CNTN4: variants seen among roughly 807,000 people sequenced by gnomAD.
CNTN4 encodes the protein contactin 4.
CNTN4 carries 77 observed loss-of-function variants against 122.5 expected under a neutral mutation model. The ratio of observed to expected loss-of-function variants is 0.63; its 90% CI spans 0.52 to 0.76. CNTN4 has a LOEUF of 0.76. Ranked by LOEUF, CNTN4 falls within the 30% of genes least tolerant of loss-of-function variation. The pLI, the probability that CNTN4 is intolerant of heterozygous loss-of-function variation, is 0.00. For synonymous variants in CNTN4, 512 were observed against 447.0 expected, an observed-to-expected ratio of 1.15 and a Z score of -1.83; for missense variants, 1,256 against 1,259.1, an observed-to-expected ratio of 1.00 and a Z score of 0.04.
chr3:2,479,789 A>G (rs2075937697), intron 3 of CNTN4, among the ~76,000 whole-genome samples: 1 of 152,194 alleles, frequency 6.6e-6, no homozygotes, highest in South Asian at 2.1e-4. Context: ...TTCTCACACT[A>G]CCAAAATTAG....
At chr3:2,908,350 T>C (rs1324235676) in intron 12 of CNTN4, among the ~76,000 whole-genome samples, 2 of 152,222 alleles carry the variant, frequency 1.3e-5, no homozygotes, top group Non-Finnish European at 2.9e-5. Flanking sequence ...CTGATTAAAT[T>C]GCCAAACTTG....
intron 2 of CNTN4, among the ~76,000 whole-genome samples, chr3:2,239,400 A>G (rs1472154296): frequency 6.6e-6 from 1 of 152,150 alleles, no homozygotes. Flanking sequence ...GCACAGACAC[A>G]CATACCCTCA....
intron 4 of CNTN4, among the ~76,000 whole-genome samples, chr3:2,596,243 G>T (rs1391088427): frequency 6.6e-6 from 1 of 152,014 alleles, no homozygotes; most frequent in Non-Finnish European, 1.5e-5. Context: ...AACAGGTGAG[G>T]GAAGCATATT....
At chr3:2,657,179 T>C (rs1323339964) in intron 4 of CNTN4, among the ~76,000 whole-genome samples, 1 of 152,148 alleles carries the variant, frequency 6.6e-6, no homozygotes, top group Non-Finnish European at 1.5e-5. Context: ...GTAGAAAGTG[T>C]CTTTGTAAAC....
chr3:2,984,542 CAG>C (rs1458742456), intron 13 of CNTN4, among the ~76,000 whole-genome samples: 4 of 152,180 alleles, frequency 2.6e-5, no homozygotes, highest in Non-Finnish European at 5.9e-5. Context: ...AACTCTGTCT[CAG>C]AGCTTGCATA....
At chr3:2,206,664 G>A (rs2038359826) in intron 2 of CNTN4, among the ~76,000 whole-genome samples, 1 of 152,116 alleles carries the variant, frequency 6.6e-6, no homozygotes, top group African/African-American at 2.4e-5. Context: ...ACTGACTCGA[G>A]TAATGAAATA....
intron 2 of CNTN4, among the ~76,000 whole-genome samples, chr3:2,148,099 G>A (rs911558079): frequency 6.6e-6 from 1 of 152,066 alleles, no homozygotes; most frequent in South Asian, 2.1e-4. Flanking sequence ...GCTCCCATAT[G>A]GTTGATTGGT....
chr3:2,983,309 T>C (rs1239790431), intron 13 of CNTN4, among the ~76,000 whole-genome samples: 1 of 143,076 alleles, frequency 7.0e-6, no homozygotes, highest in African/African-American at 2.6e-5. Flanking sequence ...AATAAATGGG[T>C]TCAATATATC....
In CNTN4 at chr3:3,007,395, A is replaced by T. The variant is rs561503895; in HGVS notation, c.1487-18707A>T. 7.9e-5 allele frequency among the ~76,000 whole-genome samples: 12 copies of T among 152,332 alleles called. No homozygotes were observed. In the East Asian group the frequency reaches 2.3e-3, roughly 29 times the overall value. On this transcript the variant is annotated intron_variant, in intron 14 of 24. Coordinates refer to ENST00000418658, the MANE Select transcript of CNTN4 (RefSeq NM_175607.3). ...TAACCCTCCCTGTAAGATTACCATC[A>T]TTTCTATAATGCCAGTGGATTATTC... is the stretch of plus-strand genomic sequence containing the variant.
At chr3:3,014,879 G>GTTTTTTTTTTT (rs5846238) in intron 14 of CNTN4, among the ~76,000 whole-genome samples, 1 of 121,544 alleles carries the variant, frequency 8.2e-6, no homozygotes, top group Non-Finnish European at 1.7e-5. Flanking sequence ...CCCTCGATTG[G>GTTTTTTTTTTT]TTTTTTTTTT....
chr3:2,603,662 G>A (rs774146144), intron 4 of CNTN4, among the ~76,000 whole-genome samples: 2 of 152,178 alleles, frequency 1.3e-5, no homozygotes, highest in African/African-American at 2.4e-5. Flanking sequence ...AAAACAAAGT[G>A]AAGTGCATAT....
chr3:2,581,068 C>G (rs888873412), intron 4 of CNTN4, among the ~76,000 whole-genome samples: 5 of 152,160 alleles, frequency 3.3e-5, no homozygotes, highest in African/African-American at 9.7e-5. Flanking sequence ...CATGAACCAG[C>G]AGCATCATTG....
At chr3:2,335,993 GAC>G (rs2043939084) in intron 2 of CNTN4, among the ~76,000 whole-genome samples, 1 of 152,172 alleles carries the variant, frequency 6.6e-6, no homozygotes, top group African/African-American at 2.4e-5. Flanking sequence ...TGAAGAATAA[GAC>G]AACACAGGTA....
chr3:2,172,032 C>G (rs146835918), intron 2 of CNTN4, among the ~76,000 whole-genome samples: 8 of 152,208 alleles, frequency 5.3e-5, no homozygotes, highest in Non-Finnish European at 7.4e-5. Flanking sequence ...CTGATGGATC[C>G]GAATGTTTGA....
At chr3:2,504,073 A>T (rs1484487847) in intron 3 of CNTN4, among the ~76,000 whole-genome samples, 1 of 151,946 alleles carries the variant, frequency 6.6e-6, no homozygotes, top group Non-Finnish European at 1.5e-5. Context: ...CAGTTTAGAG[A>T]TCAATAAATG....
intron 6 of CNTN4, among the ~76,000 whole-genome samples, chr3:2,816,368 A>T (rs954052542): frequency 1.3e-5 from 2 of 151,658 alleles, no homozygotes; most frequent in African/African-American, 2.4e-5. Context: ...AAAATAAAAA[A>T]AATAAATAAA....
chr3:2,447,177 G>C (rs2048658192), intron 3 of CNTN4, among the ~76,000 whole-genome samples: 1 of 151,742 alleles, frequency 6.6e-6, no homozygotes, highest in Non-Finnish European at 1.5e-5. Context: ...TTTATTTCTT[G>C]ATTAGTTGTT....
intron 7 of CNTN4, among the ~76,000 whole-genome samples, chr3:2,824,115 A>G (rs968616929): frequency 2.0e-5 from 3 of 151,228 alleles, no homozygotes; most frequent in African/African-American, 7.3e-5. Flanking sequence ...GTTCACAAGC[A>G]TATTCCGATT....
At chr3:2,667,775 G>A (rs943302432) in intron 4 of CNTN4, among the ~76,000 whole-genome samples, 18 of 149,882 alleles carry the variant, frequency 1.2e-4, no homozygotes, top group African/African-American at 4.0e-4. Context: ...TGTATAAGGT[G>A]TAAGGAAGGG....
Sources: gnomAD v4.1 joint callset for allele counts (sites outside exome capture counted in the v4.1 genomes callset) on GRCh38, gnomAD v4.1.1 for gene constraint, MANE v1.5 for transcripts, NCBI Gene and HGNC (gene_info 2026-07-23, HGNC 2026-07-21) for gene names.